The following RFC1 variants were observed in gnomAD, a reference collection of about 807,000 sequenced individuals.
RFC1 encodes the protein replication factor C subunit 1, also known as A1 140 kDa subunit.
Under a neutral mutation model 137.4 loss-of-function variants are expected in RFC1, and 37 were observed. That is an observed-to-expected ratio of 0.27 (90% CI 0.21 to 0.35). The LOEUF (loss-of-function observed/expected upper bound fraction) is 0.35, where lower values mean the gene tolerates loss of function less well. Ranked by LOEUF, RFC1 falls within the 10% of genes least tolerant of loss-of-function variation. The pLI, the probability that RFC1 is intolerant of heterozygous loss-of-function variation, is 1.00. For synonymous variants in RFC1, 429 were observed against 455.7 expected (o/e 0.94, Z 0.75); for missense variants, 1,205 against 1,358.5 (o/e 0.89, Z 1.78).
intron 21 of RFC1, chr4:39,295,978 T>C (rs1737967456): frequency 7.7e-6 from 3 of 390,592 alleles, no homozygotes; most frequent in Non-Finnish European, 1.4e-5. Context: ...ATCCAACATG[T>C]TATGGCCCTC....
chr4:39,355,528 G>A (rs578073631), intron 1 of RFC1, among the ~76,000 whole-genome samples: 1 of 151,344 alleles, frequency 6.6e-6, no homozygotes, highest in African/African-American at 2.4e-5. Flanking sequence ...CTCCTAATAG[G>A]CAAAGTATAA....
chr4:39,353,403 AAAAAAAAAAAAAAAAAATT>A (rs1370268832), intron 1 of RFC1, among the ~76,000 whole-genome samples: 1 of 150,492 alleles, frequency 6.6e-6, no homozygotes, highest in African/African-American at 2.4e-5. Flanking sequence ...GTCTCAAAAA[AAAAAAAAAAAAAAAAAATT>A]AAAAAAAAAG....
At chr4:39,359,837 A>AT (rs1741662696) in intron 1 of RFC1, among the ~76,000 whole-genome samples, 1 of 150,992 alleles carries the variant, frequency 6.6e-6, no homozygotes, top group Non-Finnish European at 1.5e-5. Context: ...AAAAAAAAAA[A>AT]GAATAATACA....
chr4:39,347,431 T>C (rs2109744670), intron 2 of RFC1, among the ~76,000 whole-genome samples: 1 of 152,354 alleles, frequency 6.6e-6, no homozygotes, highest in South Asian at 2.1e-4. Context: ...GCTCTACCAA[T>C]TCTTGGTAAT....
intron 4 of RFC1, among the ~76,000 whole-genome samples, chr4:39,333,567 GA>G (rs934718267): frequency 5.5e-4 from 78 of 141,688 alleles, no homozygotes; most frequent in African/African-American, 1.3e-3. Flanking sequence ...TTTCGAGGCT[GA>G]AAAAAAAAAA....
chr4:39,343,204 GTA>G (rs752731652), intron 3 of RFC1, among the ~76,000 whole-genome samples: 23 of 152,174 alleles, frequency 1.5e-4, no homozygotes, highest in Admixed American at 4.6e-4. Flanking sequence ...TGTATTTTTA[GTA>G]GAGACAGGGT....
chr4:39,305,427 T>C (rs1738588010), intron 14 of RFC1, among the ~76,000 whole-genome samples: 1 of 152,050 alleles, frequency 6.6e-6, no homozygotes, highest in Non-Finnish European at 1.5e-5. Flanking sequence ...GCCAACATGG[T>C]GAAACCCCAT....
rs1048511559 is a variant in RFC1, at chr4:39,287,852, C to T, written c.*909G>A. On this transcript the variant is annotated 3_prime_UTR_variant, in exon 25 of 25. Coordinates refer to ENST00000349703, the MANE Select transcript of RFC1 (RefSeq NM_002913.5). ...AGCCAGTGTTCATTTTGTCCCCCAC[C>T]ATAGTGAAATTAAGAGCCTGACCCA... The T allele has an allele frequency of 5.3e-5, 8 of 152,174 alleles. No individual in the cohort carries two copies. Among genetic ancestry groups the T allele is most frequent in the Non-Finnish European group, 1.0e-4 (7 of 68,034 alleles). 9.4% of individuals were successfully genotyped at this position (152,174 alleles called of 1,614,324 possible). A position where few individuals can be genotyped will look rare whatever the true frequency, so the allele number is the denominator to read the frequency against.
chr4:39,289,727 C>A (rs1334761726), intron 24 of RFC1, 121 bp downstream of exon 24: 15 of 700,120 alleles, frequency 2.1e-5, no homozygotes. Flanking sequence ...CCATGATGAA[C>A]AAAAAAACTT....
At chr4:39,298,861 G>A (rs535035668) in intron 21 of RFC1, among the ~76,000 whole-genome samples, 13 of 152,300 alleles carry the variant, frequency 8.5e-5, no homozygotes, top group African/African-American at 2.9e-4. Context: ...GCTCATGCCT[G>A]TAATCCCAGC....
chr4:39,295,607 C>A lies in RFC1; in HGVS notation c.2954+7G>T. 6.3e-7 allele frequency: 1 copy of A among 1,592,428 alleles called. No homozygotes were observed. The highest frequency in any genetic ancestry group is 8.6e-7 in the Non-Finnish European group (1 of 1,167,882). On this transcript the variant is annotated splice_region_variant and intron_variant, in intron 22 of 24. Coordinates refer to ENST00000349703, the MANE Select transcript of RFC1 (RefSeq NM_002913.5). Reference sequence around the variant, plus strand: ...TAAAATACCCGAAACAGAGTAATCCCACCTACCTGAGACTCATATGCAAGG... The same window carrying A: ...TAAAATACCCGAAACAGAGTAATCCAACCTACCTGAGACTCATATGCAAGG...
intron 14 of RFC1, among the ~76,000 whole-genome samples, chr4:39,305,661 ATAAAGTT>A (rs1738603225): frequency 6.6e-6 from 1 of 152,216 alleles, no homozygotes; most frequent in Admixed American, 6.5e-5. Flanking sequence ...AAGATAATTT[ATAAAGTT>A]AAATCATTCT....
chr4:39,292,347 C>T (rs976173596), intron 22 of RFC1, among the ~76,000 whole-genome samples: 3 of 152,098 alleles, frequency 2.0e-5, no homozygotes, highest in South Asian at 2.1e-4. Flanking sequence ...GTTCTAGAGC[C>T]GGCTTTTCTC....
At position 39,327,688 on chromosome 4, in the gene RFC1, T is replaced by C; in HGVS notation, c.400A>G (p.Ser134Gly). The C allele has an allele frequency of 6.2e-7, 1 of 1,613,480 alleles. No individual in the cohort carries two copies. The highest frequency in any genetic ancestry group is 8.5e-7 in the Non-Finnish European group (1 of 1,179,766). ...TTCATGTTTGATGTTCCAAGATGAC[T>C]ATTTGTAGATCTTCCATTCTCTTTT... Reference protein sequence around the residue: ...KSKENGRSTNSHLGTSNMKKN... With the variant: ...KSKENGRSTNGHLGTSNMKKN... Residue 134 changes from serine (S) to glycine (G), a missense_variant, in exon 5 of 25, where the codon AGT becomes GGT. Ser to Gly is a moderately conservative substitution (Grantham distance 56). Transcript: ENST00000349703.
intron 1 of RFC1, among the ~76,000 whole-genome samples, chr4:39,359,761 G>A (rs2109778419): frequency 6.6e-6 from 1 of 151,726 alleles, no homozygotes; most frequent in Admixed American, 6.6e-5. Flanking sequence ...GGCGGACCTT[G>A]CAGTGAGCCA....
At chr4:39,357,679 C>T (rs999184365) in intron 1 of RFC1, among the ~76,000 whole-genome samples, 3 of 150,936 alleles carry the variant, frequency 2.0e-5, no homozygotes, top group Admixed American at 6.6e-5. Flanking sequence ...TGCAGTGGGG[C>T]GATTTCAGCT....
chr4:39,320,356 A>C (rs1739452051), intron 9 of RFC1, 27 bp downstream of exon 9: 1 of 1,423,760 alleles, frequency 7.0e-7, no homozygotes, highest in Admixed American at 3.0e-5. Flanking sequence ...TCTCAAAAAA[A>C]AAAAAAAAAA....
At chr4:39,326,978 T>C (rs114686863) in intron 5 of RFC1, among the ~76,000 whole-genome samples, 147 of 152,302 alleles carry the variant, frequency 9.7e-4, no homozygotes, top group African/African-American at 3.4e-3. Context: ...GTGAGAATGA[T>C]TACATTGTTC....
intron 15 of RFC1, among the ~76,000 whole-genome samples, chr4:39,303,817 T>A (rs1192236059): frequency 1.3e-5 from 2 of 152,230 alleles, no homozygotes; most frequent in Non-Finnish European, 1.5e-5. Context: ...AACACTTCAT[T>A]TTTTAAGGCA....
Sources: allele counts gnomAD v4.1 joint callset (sites outside exome capture counted in the v4.1 genomes callset), GRCh38; gene constraint gnomAD v4.1.1; transcripts MANE v1.5; gene names NCBI Gene and HGNC (gene_info 2026-07-23, HGNC 2026-07-21).